The following DDX17 variants were observed in gnomAD, a reference collection of about 807,000 sequenced individuals.
DDX17 encodes DEAD-box helicase 17.
A neutral mutation model predicts 80.8 loss-of-function variants in DDX17; 10 were observed. The observed-to-expected ratio is 0.12, with a 90% CI of 0.08 to 0.21. The LOEUF (loss-of-function observed/expected upper bound fraction) is 0.21, where lower values mean the gene tolerates loss of function less well. Among genes scored for constraint, DDX17 ranks in the 10% least tolerant of loss-of-function variants. The pLI is 1.00. For missense variants in DDX17, 586 were observed against 957.4 expected (o/e 0.61, Z 5.12); for synonymous variants, 339 against 336.2 (o/e 1.01, Z -0.09).
At position 38,490,282 on chromosome 22, in the gene DDX17, C is replaced by T. The variant is rs1018667601; in HGVS notation, c.1447+1774G>A. 6.3e-6 allele frequency: 8 copies of T among 1,267,208 alleles called. No individual in the cohort carries two copies. The African/African-American group carries it at 1.1e-4, about 17-fold the overall frequency. The allele number at this position is 1,267,208 out of a possible 1,614,324, so 78.5% of individuals were successfully genotyped here. On this transcript the variant is annotated intron_variant, in intron 11 of 12. Coordinates refer to ENST00000403230, the MANE Select transcript of DDX17 (RefSeq NM_006386.5). ...TTTGGCCAGCTGACTGGGATAAGAA[C>T]CTTTTGTCTGAAAGGCCCTATGACA... is the stretch of plus-strand genomic sequence containing the variant.
intron 5 of DDX17, among the ~76,000 whole-genome samples, chr22:38,496,943 A>C (rs929794310): frequency 1.3e-5 from 2 of 152,200 alleles, no homozygotes; most frequent in Admixed American, 1.3e-4. Context: ...CTTTTTGTGA[A>C]TATCTTGAGA....
intron 10 of DDX17, chr22:38,493,274 T>G (rs2089730644): frequency 1.3e-5 from 2 of 155,146 alleles, no homozygotes; most frequent in Admixed American, 1.3e-4. Context: ...TCTCCTAGAC[T>G]CAAGCAATCC....
rs779830236 is a variant in DDX17 at position 38,486,329 on chromosome 22, G to C, written c.1796C>G (p.Ser599Cys). 1.9e-6 allele frequency: 3 copies of C among 1,614,214 alleles called. No homozygotes were observed. The highest frequency in any genetic ancestry group is 1.1e-5 in the South Asian group (1 of 91,092). Residue 599 changes from serine to cysteine, a missense_variant, in exon 13 of 13, where the codon TCT (serine) becomes TGT (cysteine). By Grantham distance (112) the Ser-to-Cys change is moderately radical (BLOSUM62 -1). Coordinates refer to ENST00000403230, the MANE Select transcript of DDX17 (RefSeq NM_006386.5). ...TTCACTACGATCCCGATAGCTTGCAGAGTCTCTCCGGCCACCATCCTTGAC... is the reference window on the plus strand; with the variant it reads ...TTCACTACGATCCCGATAGCTTGCACAGTCTCTCCGGCCACCATCCTTGAC...
In DDX17 at chr22:38,506,260, C is replaced by G. The variant is rs770100149; in HGVS notation, c.-23G>C. 3.2e-6 allele frequency: 5 copies of G among 1,583,340 alleles called. No individual in the cohort carries two copies. Among genetic ancestry groups the G allele is most frequent in the Non-Finnish European group, 4.3e-6 (5 of 1,167,264 alleles). ...CAGGTTTGGCTACGCTCAAACCGGG[C>G]AGTGCCGCGGTTTAGGCGTCTCCTT... On this transcript the variant is annotated 5_prime_UTR_variant, in exon 1 of 13. Coordinates refer to ENST00000403230, the MANE Select transcript of DDX17 (RefSeq NM_006386.5).
chr22:38,497,917 G>C (rs2089787067), intron 5 of DDX17, among the ~76,000 whole-genome samples, 168 bp downstream of exon 5: 1 of 152,186 alleles, frequency 6.6e-6, no homozygotes, highest in Non-Finnish European at 1.5e-5. Flanking sequence ...TTCAATTGCT[G>C]AGTGATCTTG....
At position 38,494,716 on chromosome 22, in the gene DDX17, C is replaced by T. The variant is rs771491228; in HGVS notation, c.1128G>A (p.Gln376=). The change falls in exon 8 of 13, where the codon CAG becomes CAA. Residue 376 remains glutamine (Q), a synonymous_variant. Coordinates refer to ENST00000403230, the MANE Select transcript of DDX17 (RefSeq NM_006386.5). ...TCAACTCCAGATTGCCTACGTTGAT[C>T]TGGGTGTAATCACGAAGGAAATCCT... 6.2e-7 allele frequency: 1 copy of T among 1,614,200 alleles called. No individual in the cohort carries two copies. The highest frequency in any genetic ancestry group is 1.7e-5 in the Admixed American group (1 of 60,018).
At position 38,494,943 on chromosome 22, in the gene DDX17, G is replaced by A. The variant is rs112418132; in HGVS notation, c.984C>T (p.Asp328=). Residue 328 remains aspartate (D), a synonymous_variant, in exon 7 of 13, where the codon GAC becomes GAT. Coordinates refer to ENST00000403230, the MANE Select transcript of DDX17 (RefSeq NM_006386.5). ...GTTCAAACCCCATATCAAGCATTCT[G>A]TCAGCTTCGTCCAATACAAGGTAAG... 3.1e-6 allele frequency: 5 copies of A among 1,614,088 alleles called. No homozygotes were observed. The highest frequency in any genetic ancestry group is 2.2e-5 in the East Asian group (1 of 44,894).
Position 38,498,153 on chromosome 22 carries a change from G to A in DDX17, c.673-3C>T. The A allele has an allele frequency of 6.2e-7, 1 of 1,613,888 alleles. No homozygotes were observed. Among genetic ancestry groups the A allele is most frequent in the Non-Finnish European group, 8.5e-7 (1 of 1,179,858 alleles). On this transcript the variant is annotated splice_region_variant and splice_polypyrimidine_tract_variant and intron_variant, in intron 4 of 12. Transcript: ENST00000403230. ...TGAACAATTGCAGGCAGGAGATACT[G>A]TGGAGGGGGGAAAGAATGACAACCT...
intron 4 of DDX17, 92 bp downstream of exon 4, chr22:38,498,348 T>C: frequency 1.7e-5 from 27 of 1,548,390 alleles, no homozygotes; most frequent in Non-Finnish European, 2.4e-5. Context: ...ACTATCTGAA[T>C]GGCACTTCTA....
At chr22:38,499,520 A>C in intron 2 of DDX17, 21 bp from the exon 3 acceptor site, 1 of 1,200,754 alleles carries the variant, frequency 8.3e-7, no homozygotes, top group Non-Finnish European at 1.2e-6. Context: ...AAAATGAAAG[A>C]AGTTAGTAAA....
At chr22:38,503,879 A>G (rs1291414340) in intron 1 of DDX17, among the ~76,000 whole-genome samples, 2 of 152,236 alleles carry the variant, frequency 1.3e-5, no homozygotes, top group Non-Finnish European at 1.5e-5. Context: ...AATTCAAATA[A>G]TCAAGAACAT....
chr22:38,492,767 T>C (rs369115229), intron 10 of DDX17, among the ~76,000 whole-genome samples: 158 of 152,342 alleles, frequency 1.0e-3, no homozygotes, highest in African/African-American at 3.6e-3. Context: ...ATTACAGGCG[T>C]GAGCCACTGT....
chr22:38,494,040 G>C lies in DDX17; in HGVS notation c.1306C>G (p.Arg436Gly). ...ACTCACCCATCTCTGCGCATCCTTC[G>C]AGTCAGATCATCACAGCGTCTCTTT... is the stretch of plus-strand genomic sequence containing the variant. The change falls in exon 9 of 13, where the codon CGA (arginine) becomes GGA (glycine). Residue 436 changes from arginine to glycine, a missense_variant. Physicochemically the swap from Arg to Gly is moderately radical, Grantham distance 125. Transcript: ENST00000403230. 1.2e-6 allele frequency: 2 copies of C among 1,613,646 alleles called. No homozygotes were observed. Among genetic ancestry groups the C allele is most frequent in the Non-Finnish European group, 1.7e-6 (2 of 1,179,684 alleles).
chr22:38,503,450 C>T (rs1464382482), intron 1 of DDX17, among the ~76,000 whole-genome samples: 2 of 152,022 alleles, frequency 1.3e-5, no homozygotes, highest in African/African-American at 4.8e-5. Context: ...TCCTTACTTC[C>T]CTGGCTATTT....
intron 5 of DDX17, 99 bp downstream of exon 5, chr22:38,497,986 G>A: frequency 9.2e-7 from 1 of 1,088,800 alleles, no homozygotes; most frequent in Non-Finnish European, 1.4e-6. Context: ...TATGGAGGGT[G>A]TGGTTAAGAG....
intron 5 of DDX17, among the ~76,000 whole-genome samples, chr22:38,496,249 G>A (rs1396653269): frequency 5.9e-5 from 9 of 152,082 alleles, no homozygotes; most frequent in African/African-American, 2.2e-4. Context: ...CTGGTTTTAA[G>A]TATACAACTC....
intron 1 of DDX17, among the ~76,000 whole-genome samples, chr22:38,503,828 A>G (rs2089854127): frequency 6.6e-6 from 1 of 152,222 alleles, no homozygotes; most frequent in Admixed American, 6.5e-5. Flanking sequence ...TTTCAAAATA[A>G]CCACCACTTC....
intron 1 of DDX17, among the ~76,000 whole-genome samples, chr22:38,502,412 A>C (rs1407369066): frequency 1.2e-4 from 3 of 24,854 alleles, no homozygotes; most frequent in African/African-American, 3.0e-4. Flanking sequence ...AGGGTCCGTC[A>C]AAAAAAAAAA....
In DDX17 at chr22:38,501,130, TG is replaced by T. The variant is rs776154232; in HGVS notation, c.437del (p.Pro146HisfsTer15). On this transcript the variant is annotated frameshift_variant and splice_region_variant, in exon 2 of 13. Coordinates refer to ENST00000403230, the MANE Select transcript of DDX17 (RefSeq NM_006386.5). LOFTEE classifies it high-confidence loss of function. ...CATTAAAACACACATGTAAACTTAC[TG>T]GTGTCAGCCTTGCTACTTCCGGATG... The T allele has an allele frequency of 6.2e-7, 1 of 1,613,576 alleles. No homozygotes were observed. Among genetic ancestry groups the T allele is most frequent in the African/African-American group, 1.3e-5 (1 of 75,004 alleles).
Sources: allele counts gnomAD v4.1 joint callset (sites outside exome capture counted in the v4.1 genomes callset), GRCh38; gene constraint gnomAD v4.1.1; transcripts MANE v1.5; gene names NCBI Gene and HGNC (gene_info 2026-07-23, HGNC 2026-07-21).